The following ZNF410 variants were observed in gnomAD, a reference collection of about 807,000 sequenced individuals.
The protein encoded by ZNF410 is another partner for ARF 1.
Under a neutral mutation model 54.8 loss-of-function variants are expected in ZNF410, and 18 were observed. The ratio of observed to expected loss-of-function variants is 0.33; its 90% CI spans 0.23 to 0.49. ZNF410 has a LOEUF of 0.49. Ranked by LOEUF, ZNF410 falls within the 20% of genes least tolerant of loss-of-function variation. The probability of loss-of-function intolerance (pLI) is 0.99; values close to 1 mark genes in which losing one functional copy is unlikely to be tolerated. For missense variants in ZNF410, 405 were observed against 569.6 expected (o/e 0.71, Z 2.94); for synonymous variants, 191 against 207.3 (o/e 0.92, Z 0.68).
At chr14:73,922,325 T>C in intron 10 of ZNF410, 119 bp downstream of exon 10, 1 of 1,122,746 alleles carries the variant, frequency 8.9e-7, no homozygotes, top group East Asian at 2.6e-5. Flanking sequence ...GTGGTATGAG[T>C]AGCATTTGTG....
intron 8 of ZNF410, 119 bp downstream of exon 8, chr14:73,909,549 G>GCTT: frequency 1.4e-6 from 1 of 726,838 alleles, no homozygotes; most frequent in Non-Finnish European, 2.2e-6. Context: ...AAGATAGAAA[G>GCTT]CTTCTCATCA....
In ZNF410 at chr14:73,905,857, T is replaced by C. The variant is rs1342210438; in HGVS notation, c.913+774T>C. 2.7e-5 allele frequency among the ~76,000 whole-genome samples: 4 copies of C among 150,754 alleles called. No homozygotes were observed. The East Asian group carries it at 5.9e-4, about 22-fold the overall frequency. On this transcript the variant is annotated intron_variant, in intron 7 of 11. Coordinates refer to ENST00000555044, the MANE Select transcript of ZNF410 (RefSeq NM_021188.3). Reference sequence around the variant, plus strand: ...TATATAAAATGCATATATAAAAATATAAGGCATATATAAAATATAAAAATA... The same window carrying C: ...TATATAAAATGCATATATAAAAATACAAGGCATATATAAAATATAAAAATA...
chr14:73,893,515 A>G (rs1269961821), intron 2 of ZNF410: 1 of 288,810 alleles, frequency 3.5e-6, no homozygotes, highest in Non-Finnish European at 6.4e-6. Context: ...CTAAACGTGG[A>G]AAAAGTACAA....
intron 2 of ZNF410, 92 bp downstream of exon 2, chr14:73,892,300 T>C: frequency 8.2e-7 from 1 of 1,217,900 alleles, no homozygotes; most frequent in Non-Finnish European, 1.2e-6. Context: ...TTTTCTTTAA[T>C]GGGCCAGATA....
At chr14:73,907,058 A>C (rs2055500725) in intron 7 of ZNF410, among the ~76,000 whole-genome samples, 1 of 152,178 alleles carries the variant, frequency 6.6e-6, no homozygotes. Flanking sequence ...CCACATATAC[A>C]TTATCTCATT....
Position 73,931,499 on chromosome 14 carries a change from A to G in ZNF410, c.1399-4A>G. 6.2e-7 allele frequency: 1 copy of G among 1,606,326 alleles called. No individual in the cohort carries two copies. The highest frequency in any genetic ancestry group is 8.5e-7 in the Non-Finnish European group (1 of 1,177,980). On this transcript the variant is annotated splice_polypyrimidine_tract_variant and splice_region_variant and intron_variant, in intron 11 of 11. Coordinates refer to ENST00000555044, the MANE Select transcript of ZNF410 (RefSeq NM_021188.3). ...ATTCTAGATTTGCTTTCAATCTTTT[A>G]CAGTTACTAAACCAAGGAGATTTAA...
intron 1 of ZNF410, 91 bp from the exon 2 acceptor site, chr14:73,891,935 AT>A (rs920306499): frequency 1.5e-5 from 9 of 611,646 alleles, no homozygotes; most frequent in Admixed American, 3.3e-5. Flanking sequence ...GCTTGTTGTG[AT>A]TTTTTTTGTA....
chr14:73,893,619 C>A, intron 2 of ZNF410, 178 bp from the exon 3 acceptor site: 1 of 631,010 alleles, frequency 1.6e-6, no homozygotes, highest in Non-Finnish European at 2.4e-6. Flanking sequence ...TTATATAAAT[C>A]AGCTGTTCTC....
chr14:73,932,126 C>A lies in ZNF410; in HGVS notation c.*585C>A. The A allele has an allele frequency of 2.4e-6, 1 of 411,996 alleles. No individual in the cohort carries two copies. The highest frequency in any genetic ancestry group is 4.9e-6 in the Non-Finnish European group (1 of 204,706). 25.5% of individuals were successfully genotyped at this position (411,996 alleles called of 1,614,324 possible). ...GCCCAGGCTGAGGTACTATCTTGTC[C>A]TATACACTTCTACTTGGTCACTTTG... On this transcript the variant is annotated 3_prime_UTR_variant, in exon 12 of 12. Coordinates refer to ENST00000555044, the MANE Select transcript of ZNF410 (RefSeq NM_021188.3).
chr14:73,891,392 C>T (rs142805230), intron 1 of ZNF410, among the ~76,000 whole-genome samples: 2,995 of 152,108 alleles, frequency 0.02, 48 homozygotes, highest in South Asian at 0.038. Flanking sequence ...CTTGCTCTGT[C>T]GCCCAGGCTG....
chr14:73,905,180 G>T, intron 7 of ZNF410, 97 bp downstream of exon 7: 1 of 1,309,834 alleles, frequency 7.6e-7, no homozygotes, highest in Non-Finnish European at 1.0e-6. Context: ...AGAAATGAAG[G>T]TCTGGGGTTG....
chr14:73,893,285 C>T (rs1394283383), intron 2 of ZNF410: 3 of 151,974 alleles, frequency 2.0e-5, no homozygotes, highest in African/African-American at 4.8e-5. Context: ...TGTCACTTAG[C>T]GATAGAGATA....
chr14:73,893,012 G>C (rs536061210), intron 2 of ZNF410, among the ~76,000 whole-genome samples: 123 of 152,246 alleles, frequency 8.1e-4, no homozygotes, highest in African/African-American at 2.9e-3. Context: ...AACCCAGGAG[G>C]TGGAGCTTGC....
At chr14:73,889,431 C>CAAAAAAAAAAAAA (rs11330316) in intron 1 of ZNF410, among the ~76,000 whole-genome samples, 1 of 84,982 alleles carries the variant, frequency 1.2e-5, no homozygotes. Context: ...GACTCAGTCT[C>CAAAAAAAAAAAAA]AAAAAAAAAA....
At chr14:73,892,379 A>G (rs1447325479) in intron 2 of ZNF410, among the ~76,000 whole-genome samples, 171 bp downstream of exon 2, 1 of 152,018 alleles carries the variant, frequency 6.6e-6, no homozygotes, top group Admixed American at 6.5e-5. Context: ...TTTAAAAATT[A>G]TATTTTTTGT....
At chr14:73,900,978 T>C (rs902880875) in intron 5 of ZNF410, among the ~76,000 whole-genome samples, 2 of 152,256 alleles carry the variant, frequency 1.3e-5, no homozygotes, top group Non-Finnish European at 2.9e-5. Context: ...GAAGTGATTT[T>C]ATTCAATATT....
rs1328479433 is a variant in ZNF410 at position 73,923,529 on chromosome 14, T to C, written c.1398+7T>C. The C allele has an allele frequency of 1.2e-6, 2 of 1,611,498 alleles. No homozygotes were observed. Among genetic ancestry groups the C allele is most frequent in the Non-Finnish European group, 1.7e-6 (2 of 1,178,834 alleles). ...TGCAGTAAATCCACAAGAGGTAAAG[T>C]GGTCTCTTGCCCTTTGTTTCTGTGA... On this transcript the variant is annotated splice_region_variant and intron_variant, in intron 11 of 11. Coordinates refer to ENST00000555044, the MANE Select transcript of ZNF410 (RefSeq NM_021188.3).
chr14:73,921,793 T>C (rs1182730867), intron 9 of ZNF410, among the ~76,000 whole-genome samples: 1 of 152,226 alleles, frequency 6.6e-6, no homozygotes, highest in Non-Finnish European at 1.5e-5. Context: ...TCCTTAATTA[T>C]TCCAAATATT....
chr14:73,923,966 C>T (rs762320032), intron 11 of ZNF410, among the ~76,000 whole-genome samples: 17 of 152,098 alleles, frequency 1.1e-4, no homozygotes, highest in Non-Finnish European at 2.4e-4. Context: ...TTTCTTTTCT[C>T]CAGAAATAAC....
Sources: allele counts gnomAD v4.1 joint callset (sites outside exome capture counted in the v4.1 genomes callset), GRCh38; gene constraint gnomAD v4.1.1; transcripts MANE v1.5; gene names NCBI Gene and HGNC (gene_info 2026-07-23, HGNC 2026-07-21).